Variants in NEU4 observed in about 807,000 individuals in gnomAD.
The protein encoded by NEU4 is sialidase-4.
In NEU4, 7 loss-of-function variants were observed where a neutral mutation model predicts 9.9. The ratio of observed to expected loss-of-function variants is 0.71; its 90% confidence interval spans 0.40 to 1.33. NEU4 has a LOEUF of 1.33. Among genes scored for constraint, NEU4 ranks in the 40% most tolerant of loss-of-function variants. The pLI is 0.01. For missense variants in NEU4, 717 were observed against 712.6 expected (o/e 1.01, Z -0.07); for synonymous variants, 348 against 316.9 (o/e 1.10, Z -1.04).
intron 3 of NEU4, 74 bp from the exon 4 acceptor site, chr2:241,815,977 C>T (rs1195323552): frequency 1.1e-5 from 15 of 1,408,286 alleles, no homozygotes; most frequent in Non-Finnish European, 1.4e-5. Flanking sequence ...CTTCCCCGTC[C>T]CCCTGTGCCT....
In NEU4 at chr2:241,816,981, A is replaced by G; in HGVS notation, c.1388A>G (p.Asn463Ser). ...CTFSLREVLE[N>S]VPASPKPPNL... The stretch of plus-strand genomic sequence containing the variant: ...TTCTCCCTGCGTGAGGTCCTGGAGA[A>G]CGTGCCCGCCAGCCCCAAACCGCCC... Residue 463 changes from asparagine (N) to serine (S), a missense_variant, in exon 4 of 4, where the codon AAC (asparagine) becomes AGC (serine). Coordinates refer to ENST00000407683, the MANE Select transcript of NEU4 (RefSeq NM_001167600.3). 2 of 1,610,522 alleles carry G rather than the reference A, an allele frequency of 1.2e-6. No individual in the cohort carries two copies. The highest frequency in any genetic ancestry group is 1.7e-6 in the Non-Finnish European group (2 of 1,178,966).
chr2:241,816,635 G>A lies in NEU4; in HGVS notation c.1042G>A (p.Gly348Ser). The change falls in exon 4 of 4, where the codon GGC becomes AGC. Residue 348 changes from glycine to serine, a missense_variant. Transcript: ENST00000407683. ...TCGGGGGGATGGCCCCAGGCAGCCT[G>A]GCCCCAGGCCTGGGGTCAGTGGGGA... ...QPRGDGPRQP[G>S]PRPGVSGDVG... is the part of the protein sequence containing the mutation. The A allele has an allele frequency of 6.4e-7, 1 of 1,552,520 alleles. No homozygotes were observed. The highest frequency in any genetic ancestry group is 8.7e-7 in the Non-Finnish European group (1 of 1,153,308).
In NEU4 at chr2:241,816,244, C is replaced by T; in HGVS notation, c.651C>T (p.Asn217=). ...RTWRCGGLVP[N]LRSGECQLAA... ...GGCGCTGTGGAGGCCTCGTGCCCAA[C>T]CTGCGCTCAGGCGAGTGCCAGCTGG... The change falls in exon 4 of 4, where the codon AAC becomes AAT. Residue 217 remains asparagine (N), a synonymous_variant. Coordinates refer to ENST00000407683, the MANE Select transcript of NEU4 (RefSeq NM_001167600.3). 3 of 1,610,192 alleles carry T rather than the reference C, an allele frequency of 1.9e-6. No homozygotes were observed. The highest frequency in any genetic ancestry group is 2.5e-6 in the Non-Finnish European group (3 of 1,178,938).
Position 241,814,861 on chromosome 2 carries a change from C to G in NEU4, c.202-31C>G, listed in dbSNP as rs1474929983. The G allele has an allele frequency of 3.8e-6, 6 of 1,590,514 alleles. No individual in the cohort carries two copies. In the Admixed American group the frequency reaches 1.0e-4, roughly 27 times the overall value. On this transcript the variant is annotated intron_variant, in intron 2 of 3. Transcript: ENST00000407683. ...GGGCTGTGCCCAGGTCCCTGGACGT[C>G]CTGGTCAGCGGAACTTCCTCCTCTG...
chr2:241,811,805 C>T, intron 1 of NEU4: 1 of 291,784 alleles, frequency 3.4e-6, no homozygotes, highest in Non-Finnish European at 6.3e-6. Flanking sequence ...AGGGGGCCGG[C>T]CCCAGCCCAC....
At chr2:241,815,832 G>T (rs1700307475) in intron 3 of NEU4, 1 of 602,476 alleles carries the variant, frequency 1.7e-6, no homozygotes. Flanking sequence ...GCCTCCCTGG[G>T]TGCCGTCCAC....
intron 1 of NEU4, 108 bp from the exon 2 acceptor site, chr2:241,814,374 G>A: frequency 9.6e-7 from 1 of 1,040,444 alleles, no homozygotes; most frequent in Admixed American, 2.2e-5. Flanking sequence ...CCAGGTGTGG[G>A]CAGGAGCTGT....
rs570818678 is a variant in NEU4 at position 241,813,500 on chromosome 2, G to T, written c.-3-982G>T. 11 of 1,200,000 alleles carry T rather than the reference G, an allele frequency of 9.2e-6. No homozygotes were observed. In the East Asian group the frequency reaches 6.9e-4, roughly 75 times the overall value. The allele number at this position is 1,200,000 out of a possible 1,614,324, so 74.3% of individuals were successfully genotyped here. ...CCGTCTGCCTTTGTGCGATCAGACT[G>T]AGAGACCCCCCAGGCAGGTCCCGCC... On this transcript the variant is annotated intron_variant, in intron 1 of 3. Coordinates refer to ENST00000407683, the MANE Select transcript of NEU4 (RefSeq NM_001167600.3).
Position 241,816,465 on chromosome 2 carries a change from C to T in NEU4, c.872C>T (p.Pro291Leu), listed in dbSNP as rs1322841223. The T allele has an allele frequency of 1.9e-6, 3 of 1,609,574 alleles. No individual in the cohort carries two copies. Among genetic ancestry groups the T allele is most frequent in the South Asian group, 2.2e-5 (2 of 90,574 alleles). The change falls in exon 4 of 4, where the codon CCA becomes CTA. Residue 291 changes from proline to leucine, a missense_variant. Physicochemically the swap from Pro to Leu is moderately conservative, Grantham distance 98 (BLOSUM62 -3). Transcript: ENST00000407683. ...TTCCCAGCCCCCGCCCCCAACAGGCCACGGGATGACAGTTGGTCAGTGGGC... is the reference window on the plus strand; with the variant it reads ...TTCCCAGCCCCCGCCCCCAACAGGCTACGGGATGACAGTTGGTCAGTGGGC... ...VGFPAPAPNR[P>L]RDDSWSVGPG...
intron 1 of NEU4, among the ~76,000 whole-genome samples, chr2:241,812,340 T>A (rs1351599953): frequency 6.6e-6 from 1 of 151,860 alleles, no homozygotes; most frequent in Non-Finnish European, 1.5e-5. Flanking sequence ...CTTCTGTGAC[T>A]CCACACCCCC....
rs758843335 is a variant in NEU4 at position 241,812,479 on chromosome 2, G to GA, written c.-3-2003_-3-2002insA. Among the ~76,000 whole-genome samples, 311 of 69,166 alleles carry GA rather than the reference G, an allele frequency of 4.5e-3. 1 individual carries two copies. Among genetic ancestry groups the GA allele is most frequent in the African/African-American group, 5.5e-3 (145 of 26,298 alleles). 45.4% of individuals were successfully genotyped at this position (69,166 alleles called of 152,430 possible). On this transcript the variant is annotated intron_variant, in intron 1 of 3. Coordinates refer to ENST00000407683, the MANE Select transcript of NEU4 (RefSeq NM_001167600.3). ...AGCGGGGCTGGCCTCCGAGACAGAG[G>GA]GGCCTGCCGAGGACACGGAGGCTCT... is the stretch of plus-strand genomic sequence containing the variant.
In NEU4 at chr2:241,814,956, C is replaced by T; in HGVS notation, c.266C>T (p.Pro89Leu). The change falls in exon 3 of 4, where the codon CCT (proline) becomes CTT (leucine). Residue 89 changes from proline to leucine, a missense_variant. By Grantham distance (98) the Pro-to-Leu change is moderately conservative. Transcript: ENST00000407683. Reference sequence around the variant, plus strand: ...GAGCACCGGTCCATGAACCCCTGCCCTGTGCACGATGCTGGCACGGGCACC... The same window carrying T: ...GAGCACCGGTCCATGAACCCCTGCCTTGTGCACGATGCTGGCACGGGCACC... ...LAEHRSMNPCPVHDAGTGTVF... is the reference protein window; with the variant it reads ...LAEHRSMNPCLVHDAGTGTVF... The T allele has an allele frequency of 6.2e-7, 1 of 1,611,884 alleles. No individual in the cohort carries two copies. Among genetic ancestry groups the T allele is most frequent in the East Asian group, 2.2e-5 (1 of 44,868 alleles).
rs201660148 is a variant in NEU4, at chr2:241,816,208, C to T, written c.615C>T (p.His205=). The change falls in exon 4 of 4, where the codon CAC becomes CAT. Residue 205 remains histidine, a synonymous_variant. Transcript: ENST00000407683. ...PHSFAFYSDD[H]GRTWRCGGLV... ...CCTTCGCCTTCTACAGCGATGACCA[C>T]GGCCGCACCTGGCGCTGTGGAGGCC... 102 of 1,612,472 alleles carry T rather than the reference C, an allele frequency of 6.3e-5. 1 individual carries two copies. Among genetic ancestry groups the T allele is most frequent in the South Asian group, 4.4e-5 (4 of 91,006 alleles).
intron 1 of NEU4, chr2:241,813,569 C>T (rs932685065): frequency 1.3e-5 from 16 of 1,258,948 alleles, no homozygotes; most frequent in South Asian, 3.8e-5. Context: ...CCCCCTCACC[C>T]GGGCCCTGCC....
chr2:241,815,580 AC>A (rs1259612738), intron 3 of NEU4: 2 of 497,340 alleles, frequency 4.0e-6, no homozygotes, highest in Non-Finnish European at 8.1e-6. Context: ...CAGCTCCCAA[AC>A]CAACAGCCAC....
intron 1 of NEU4, 81 bp from the exon 2 acceptor site, chr2:241,814,401 C>A: frequency 7.3e-7 from 1 of 1,361,748 alleles, no homozygotes; most frequent in South Asian, 1.3e-5. Flanking sequence ...CTCCTGAGCG[C>A]ATTCCCCAGT....
rs370069114 is a variant in NEU4 at position 241,816,917 on chromosome 2, G to A, written c.1324G>A (p.Gly442Arg). ...GGTTTTTGCCTGCCTGTACGAGAGC[G>A]GGGCCAGGACCTCCTATGATGAGAT... ...GLVFACLYESGARTSYDEISF... is the reference protein window; with the variant it reads ...GLVFACLYESRARTSYDEISF... Residue 442 changes from glycine to arginine, a missense_variant, in exon 4 of 4, where the codon GGG (glycine) becomes AGG (arginine). By Grantham distance (125) the Gly-to-Arg change is moderately radical. Coordinates refer to ENST00000407683, the MANE Select transcript of NEU4 (RefSeq NM_001167600.3). The A allele has an allele frequency of 1.1e-5, 18 of 1,612,902 alleles. No individual in the cohort carries two copies. The East Asian group carries it at 2.2e-4, about 20-fold the overall frequency.
Position 241,815,163 on chromosome 2 carries a change from G to T in NEU4, c.457+16G>T. On this transcript the variant is annotated intron_variant, in intron 3 of 3. Coordinates refer to ENST00000407683, the MANE Select transcript of NEU4 (RefSeq NM_001167600.3). ...GCCGTGCAGGGTAGGCGGGCAGGGT[G>T]CCGGTCTGGGTCCCTTTGATTGGCC... 6.6e-7 allele frequency: 1 copy of T among 1,523,718 alleles called. No homozygotes were observed. Among genetic ancestry groups the T allele is most frequent in the Non-Finnish European group, 8.8e-7 (1 of 1,137,546 alleles). The allele number at this position is 1,523,718 out of a possible 1,614,324, so 94.4% of individuals were successfully genotyped here.
At chr2:241,809,729 A>G (rs1218296430) in intron 1 of NEU4, 3 of 160,368 alleles carry the variant, frequency 1.9e-5, no homozygotes, top group Non-Finnish European at 4.1e-5. Context: ...CTGAGGGCAG[A>G]TCTGACTTTT....
Sources: gnomAD v4.1 joint callset for allele counts (sites outside exome capture counted in the v4.1 genomes callset) on GRCh38, gnomAD v4.1.1 for gene constraint, MANE v1.5 for transcripts, NCBI Gene and HGNC (gene_info 2026-07-23, HGNC 2026-07-21) for gene names.